Variants in TLN2 observed in about 807,000 individuals in gnomAD.
TLN2 encodes the protein talin 2, also known as talin-2.
In TLN2, 118 loss-of-function variants were observed where a neutral mutation model predicts 294.7. The ratio of observed to expected loss-of-function variants is 0.40; its 90% confidence interval spans 0.34 to 0.47. TLN2 has a LOEUF of 0.47. TLN2 is among the 20% of genes least tolerant of loss of function. The probability of loss-of-function intolerance (pLI) is 0.84; values close to 1 mark genes in which losing one functional copy is unlikely to be tolerated. For missense variants in TLN2, 3,083 were observed against 3,282.2 expected, an observed-to-expected ratio of 0.94 and a Z score of 1.48; for synonymous variants, 1,431 against 1,304.5, an observed-to-expected ratio of 1.10 and a Z score of -2.09.
intron 2 of TLN2, among the ~76,000 whole-genome samples, chr15:62,596,058 G>A (rs1428098724): frequency 3.3e-5 from 5 of 151,824 alleles, no homozygotes; most frequent in African/African-American, 1.2e-4. Flanking sequence ...GGTGGATCAC[G>A]AGGTCAGGAG....
At chr15:62,738,116 C>G (rs1441458693) in intron 29 of TLN2, 98 bp from the exon 30 acceptor site, 1 of 1,434,806 alleles carries the variant, frequency 7.0e-7, no homozygotes, top group African/African-American at 1.4e-5. Flanking sequence ...TGGGTCATTT[C>G]CGTATCTGCT....
At chr15:62,690,655 G>T (rs2057788168) in intron 12 of TLN2, among the ~76,000 whole-genome samples, 1 of 148,476 alleles carries the variant, frequency 6.7e-6, no homozygotes, top group Non-Finnish European at 1.5e-5. Flanking sequence ...GGGAGGCCAA[G>T]GCGGGCAGCT....
intron 45 of TLN2, among the ~76,000 whole-genome samples, chr15:62,790,608 C>CT (rs2065007394): frequency 6.6e-6 from 1 of 152,154 alleles, no homozygotes; most frequent in Non-Finnish European, 1.5e-5. Context: ...GCACTTTATC[C>CT]TTTAAAGATC....
chr15:62,661,742 A>G (rs1180933871), intron 9 of TLN2, among the ~76,000 whole-genome samples: 3 of 152,180 alleles, frequency 2.0e-5, no homozygotes, highest in Non-Finnish European at 4.4e-5. Context: ...ATGACAGAGA[A>G]AAGTTTAAAT....
chr15:62,669,946 A>C (rs1337841932), intron 9 of TLN2, among the ~76,000 whole-genome samples: 3 of 152,206 alleles, frequency 2.0e-5, no homozygotes, highest in African/African-American at 7.2e-5. Flanking sequence ...CCTCTAGTGC[A>C]CCTTCTGATG....
chr15:62,831,971 T>C (rs973141576), intron 54 of TLN2: 8 of 152,164 alleles, frequency 5.3e-5, no homozygotes, highest in African/African-American at 1.9e-4. Context: ...AAGTGCCTCA[T>C]TTTGGAGTCA....
chr15:62,414,814 C>T (rs763769739), intron 1 of TLN2, among the ~76,000 whole-genome samples: 3 of 141,436 alleles, frequency 2.1e-5, no homozygotes, highest in Non-Finnish European at 3.0e-5. Flanking sequence ...AGTCTACCTC[C>T]AACTTGGCTC....
intron 2 of TLN2, among the ~76,000 whole-genome samples, chr15:62,593,913 C>T (rs2046278063): frequency 6.6e-6 from 1 of 152,274 alleles, no homozygotes; most frequent in African/African-American, 2.4e-5. Context: ...GTGATGTAAA[C>T]AATGATCTTA....
rs542776415 is a variant in TLN2, at chr15:62,723,901, C to A, written c.3127-1075C>A. Among the ~76,000 whole-genome samples, 42 of 152,066 alleles carry A rather than the reference C, an allele frequency of 2.8e-4. 1 individual carries two copies. The highest frequency in any genetic ancestry group is 1.0e-3 in the African/African-American group (42 of 41,496). On this transcript the variant is annotated intron_variant, in intron 26 of 58. Transcript: ENST00000636159. ...TTAAGAGTTCAGGCTCTAATCCCAGCACTTTGGGAGGCCAAGGTGGGTGGA... is the reference window on the plus strand; with the variant it reads ...TTAAGAGTTCAGGCTCTAATCCCAGAACTTTGGGAGGCCAAGGTGGGTGGA...
chr15:62,542,534 C>T (rs1232745171), intron 1 of TLN2, among the ~76,000 whole-genome samples: 1 of 152,150 alleles, frequency 6.6e-6, no homozygotes, highest in Non-Finnish European at 1.5e-5. Flanking sequence ...GCAACTGAAA[C>T]TGCAGATAAC....
At chr15:62,648,374 C>T (rs2052151672) in intron 4 of TLN2, among the ~76,000 whole-genome samples, 1 of 138,546 alleles carries the variant, frequency 7.2e-6, no homozygotes, top group Non-Finnish European at 1.5e-5. Context: ...CACTGCACTC[C>T]AGCCTGGGCG....
At position 62,728,000 on chromosome 15, in the gene TLN2, G is replaced by A. The variant is rs189680340; in HGVS notation, c.3358+811G>A. Among the ~76,000 whole-genome samples, 9 of 152,160 alleles carry A rather than the reference G, an allele frequency of 5.9e-5. No homozygotes were observed. The East Asian group carries it at 1.5e-3, about 26-fold the overall frequency. ...ATCAAAGTATAATATATGCACAGAA[G>A]ACAGCATAAATCCTAAATGGATACC... On this transcript the variant is annotated intron_variant, in intron 28 of 58. Transcript: ENST00000636159.
At chr15:62,730,650 T>G (rs1193911125) in intron 28 of TLN2, among the ~76,000 whole-genome samples, 2 of 152,256 alleles carry the variant, frequency 1.3e-5, no homozygotes, top group Non-Finnish European at 2.9e-5. Flanking sequence ...AGTTGTTTTC[T>G]TCCAGCACTT....
At chr15:62,808,179 CT>C (rs1293112733) in intron 51 of TLN2, among the ~76,000 whole-genome samples, 1 of 152,152 alleles carries the variant, frequency 6.6e-6, no homozygotes, top group African/African-American at 2.4e-5. Context: ...AAAGACTTAC[CT>C]AAACCCTAAG....
intron 12 of TLN2, among the ~76,000 whole-genome samples, chr15:62,690,998 A>G (rs1312424907): frequency 7.9e-6 from 1 of 126,966 alleles, no homozygotes; most frequent in Non-Finnish European, 1.6e-5. Flanking sequence ...TCAGAGGGAG[A>G]CCGTGGAAAG....
At chr15:62,401,651 T>G (rs912608640) in intron 1 of TLN2, among the ~76,000 whole-genome samples, 1 of 152,170 alleles carries the variant, frequency 6.6e-6, no homozygotes, top group Non-Finnish European at 1.5e-5. Flanking sequence ...GGACCACTCG[T>G]CTACAGTCCT....
intron 1 of TLN2, among the ~76,000 whole-genome samples, chr15:62,508,531 T>A (rs868134903): frequency 6.6e-6 from 1 of 152,210 alleles, no homozygotes; most frequent in Non-Finnish European, 1.5e-5. Flanking sequence ...CTATAGATGA[T>A]TTTTGAAACA....
intron 45 of TLN2, 79 bp from the exon 46 acceptor site, chr15:62,792,562 G>T: frequency 6.4e-7 from 1 of 1,560,964 alleles, no homozygotes; most frequent in East Asian, 2.3e-5. Flanking sequence ...GGACATAGGA[G>T]AAATTTTCCA....
intron 3 of TLN2, among the ~76,000 whole-genome samples, chr15:62,641,648 A>C (rs1387872112): frequency 1.2e-5 from 1 of 81,244 alleles, no homozygotes; most frequent in East Asian, 3.5e-4. Context: ...AAAAAATAAT[A>C]ATAACAAGCC....
Sources: gnomAD v4.1 joint callset for allele counts (sites outside exome capture counted in the v4.1 genomes callset) on GRCh38, gnomAD v4.1.1 for gene constraint, MANE v1.5 for transcripts, NCBI Gene and HGNC (gene_info 2026-07-23, HGNC 2026-07-21) for gene names.